Variants in NWD2 observed in about 807,000 individuals in gnomAD.
The protein encoded by NWD2 is NACHT and WD repeat domain containing 2, also known as NACHT and WD repeat domain-containing protein 2.
A neutral mutation model predicts 132.7 loss-of-function variants in NWD2; 37 were observed. The ratio of observed to expected loss-of-function variants is 0.28; its 90% CI spans 0.21 to 0.37. NWD2 has a LOEUF of 0.37. NWD2 is among the 10% of genes least tolerant of loss of function. The pLI, the probability that NWD2 is intolerant of heterozygous loss-of-function variation, is 1.00. For missense variants in NWD2, 1,592 were observed against 2,122.4 expected, an observed-to-expected ratio of 0.75 and a Z score of 4.91; for synonymous variants, 705 against 803.0, an observed-to-expected ratio of 0.88 and a Z score of 2.06.
intron 1 of NWD2, among the ~76,000 whole-genome samples, chr4:37,278,854 C>G (rs1226710621): frequency 6.6e-6 from 1 of 152,148 alleles, no homozygotes; most frequent in African/African-American, 2.4e-5. Flanking sequence ...CCTTTTAAAC[C>G]TCCTTCCTTA....
chr4:37,262,903 C>T lies in NWD2; in HGVS notation c.151+17685C>T, dbSNP rs188324246. ...CTTGATATAGCCCCAGGTGGATTCA[C>T]TGCCACATCCTCCTACCAAAGCTCC... On this transcript the variant is annotated intron_variant, in intron 1 of 6. Transcript: ENST00000309447. 1.3e-3 allele frequency among the ~76,000 whole-genome samples: 204 copies of T among 152,236 alleles called. 2 individuals carry two copies. The highest frequency in any genetic ancestry group is 1.5e-3 in the East Asian group (8 of 5,172).
chr4:37,288,928 G>A (rs1278430639), intron 1 of NWD2, among the ~76,000 whole-genome samples: 1 of 151,176 alleles, frequency 6.6e-6, no homozygotes, highest in Non-Finnish European at 1.5e-5. Flanking sequence ...TGAGCTCTAG[G>A]GAAACAACAG....
intron 3 of NWD2, 76 bp downstream of exon 3, chr4:37,356,558 A>G: frequency 1.0e-6 from 1 of 990,692 alleles, no homozygotes; most frequent in Non-Finnish European, 1.5e-6. Context: ...GTGATTCATA[A>G]GGGGTTTTTT....
intron 2 of NWD2, among the ~76,000 whole-genome samples, chr4:37,334,319 T>TTTAG (rs1560397620): frequency 1.3e-5 from 2 of 152,244 alleles, no homozygotes; most frequent in Non-Finnish European, 2.9e-5. Context: ...AGGATCTCTC[T>TTTAG]TTAATGTAGT....
At chr4:37,314,511 G>T (rs565978522) in intron 1 of NWD2, among the ~76,000 whole-genome samples, 1 of 152,206 alleles carries the variant, frequency 6.6e-6, no homozygotes, top group South Asian at 2.1e-4. Context: ...TGTGTTCCTA[G>T]AAATTTGTTT....
chr4:37,406,308 G>A (rs114546489), intron 3 of NWD2, among the ~76,000 whole-genome samples: 3,669 of 152,164 alleles, frequency 0.024, 57 homozygotes, highest in Middle Eastern at 0.058. Flanking sequence ...TTCTAACAGC[G>A]AGTCACAGAG....
chr4:37,293,277 G>A (rs1462679927), intron 1 of NWD2, among the ~76,000 whole-genome samples: 2 of 152,190 alleles, frequency 1.3e-5, no homozygotes, highest in African/African-American at 4.8e-5. Context: ...TGATTTATAG[G>A]TATTTGTGTC....
intron 3 of NWD2, among the ~76,000 whole-genome samples, chr4:37,401,959 A>T (rs754711988): frequency 2.6e-4 from 39 of 152,226 alleles, no homozygotes; most frequent in Non-Finnish European, 4.1e-4. Flanking sequence ...GCTGAAATTC[A>T]ATTGTCATTG....
intron 3 of NWD2, among the ~76,000 whole-genome samples, chr4:37,376,310 G>A (rs192315376): frequency 6.6e-6 from 1 of 152,160 alleles, no homozygotes; most frequent in Non-Finnish European, 1.5e-5. Flanking sequence ...TAAAACACTT[G>A]TAAATTAAAT....
At chr4:37,400,766 G>A (rs976914596) in intron 3 of NWD2, among the ~76,000 whole-genome samples, 3 of 152,154 alleles carry the variant, frequency 2.0e-5, no homozygotes, top group African/African-American at 7.2e-5. Context: ...AAAGCCAGAT[G>A]GTCTTTCCTT....
chr4:37,425,010 T>G (rs1711953892), intron 3 of NWD2, among the ~76,000 whole-genome samples: 1 of 152,206 alleles, frequency 6.6e-6, no homozygotes, highest in South Asian at 2.1e-4. Context: ...AAATGTTATC[T>G]CTAAGCCTTT....
chr4:37,246,882 A>T (rs1227527360), intron 1 of NWD2, among the ~76,000 whole-genome samples: 1 of 152,168 alleles, frequency 6.6e-6, no homozygotes, highest in Non-Finnish European at 1.5e-5. Context: ...TAGATTTGCA[A>T]TTTCTAAGAT....
intron 1 of NWD2, among the ~76,000 whole-genome samples, chr4:37,308,866 C>T (rs528165468): frequency 6.8e-5 from 10 of 147,028 alleles, no homozygotes; most frequent in Non-Finnish European, 1.2e-4. Context: ...GTGGCTTCCC[C>T]ACTAGACAGG....
chr4:37,284,207 G>A (rs78120640), intron 1 of NWD2, among the ~76,000 whole-genome samples: 299 of 152,240 alleles, frequency 2.0e-3, no homozygotes, highest in Non-Finnish European at 3.1e-3. Context: ...TTTCTGGTTC[G>A]TAGGTGGCAC....
At chr4:37,263,990 A>G (rs1193712470) in intron 1 of NWD2, among the ~76,000 whole-genome samples, 2 of 152,170 alleles carry the variant, frequency 1.3e-5, no homozygotes, top group Non-Finnish European at 2.9e-5. Context: ...GCACTGGGAT[A>G]GTATGTGATG....
At chr4:37,388,959 C>T (rs1398425969) in intron 3 of NWD2, among the ~76,000 whole-genome samples, 1 of 151,212 alleles carries the variant, frequency 6.6e-6, no homozygotes, top group African/African-American at 2.4e-5. Flanking sequence ...GTTCCAGAAA[C>T]ATGGAGAGTT....
rs370180973 is a variant in NWD2, at chr4:37,373,427, A to G, written c.357+16945A>G. 3.3e-5 allele frequency among the ~76,000 whole-genome samples: 5 copies of G among 152,268 alleles called. No individual in the cohort carries two copies. The South Asian group carries it at 6.2e-4, about 19-fold the overall frequency. ...GTACAGCTTTCTAAAAGGGTTGTCA[A>G]AGCTCAATCAGTACAAATTCAAGGG... On this transcript the variant is annotated intron_variant, in intron 3 of 6. Transcript: ENST00000309447.
intron 3 of NWD2, among the ~76,000 whole-genome samples, chr4:37,402,521 G>A (rs1046296446): frequency 1.3e-5 from 2 of 152,136 alleles, no homozygotes; most frequent in African/African-American, 4.8e-5. Flanking sequence ...AGACAATGTG[G>A]ATTCATTTTC....
At chr4:37,266,725 TA>T (rs1481670823) in intron 1 of NWD2, among the ~76,000 whole-genome samples, 1 of 152,090 alleles carries the variant, frequency 6.6e-6, no homozygotes, top group Non-Finnish European at 1.5e-5. Context: ...CTTATATCAT[TA>T]ATTATACCGC....
Sources: allele counts gnomAD v4.1 joint callset (sites outside exome capture counted in the v4.1 genomes callset), GRCh38; gene constraint gnomAD v4.1.1; transcripts MANE v1.5; gene names NCBI Gene and HGNC (gene_info 2026-07-23, HGNC 2026-07-21).